Variants in FOXO3 observed in about 807,000 individuals in gnomAD.
The protein encoded by FOXO3 is forkhead box O3.
Under a neutral mutation model 41.9 loss-of-function variants are expected in FOXO3, and 4 were observed. The ratio of observed to expected loss-of-function variants is 0.10; its 90% CI spans 0.05 to 0.22. The LOEUF (loss-of-function observed/expected upper bound fraction) is 0.22, where lower values mean the gene tolerates loss of function less well. Ranked by LOEUF, FOXO3 falls within the 10% of genes least tolerant of loss-of-function variation. FOXO3 has a pLI of 1.00. For missense variants in FOXO3, 534 were observed against 906.8 expected (o/e 0.59, Z 5.28); for synonymous variants, 318 against 389.3 (o/e 0.82, Z 2.16).
rs1778931375 is a variant in FOXO3, at chr6:108,663,484, T to C, written c.651T>C (p.His217=). 2 of 1,607,176 alleles carry C rather than the reference T, an allele frequency of 1.2e-6. No individual in the cohort carries two copies. Among genetic ancestry groups the C allele is most frequent in the Non-Finnish European group, 8.5e-7 (1 of 1,176,416 alleles). Residue 217 remains histidine, a synonymous_variant, in exon 2 of 3, where the codon CAT becomes CAC. Coordinates refer to ENST00000406360, the MANE Select transcript of FOXO3 (RefSeq NM_001455.4). ...KNSIRHNLSL[H]SRFMRVQNEG... is the part of the protein sequence containing the mutation. ...CCATCCGGCACAACCTGTCACTGCA[T>C]AGTCGATTCATGCGGGTCCAGAATG...
chr6:108,573,235 C>T (rs2764265), intron 1 of FOXO3, among the ~76,000 whole-genome samples: 73,249 of 151,734 alleles, frequency 0.48, 20,637 homozygotes, highest in East Asian at 0.68. Flanking sequence ...TGCAGTGAGC[C>T]GAGATCATGC....
chr6:108,669,374 G>A (rs1435393542), intron 2 of FOXO3, among the ~76,000 whole-genome samples: 1 of 152,110 alleles, frequency 6.6e-6, no homozygotes, highest in Non-Finnish European at 1.5e-5. Context: ...GTTGGGGATA[G>A]GACTAATTCT....
intron 1 of FOXO3, among the ~76,000 whole-genome samples, chr6:108,590,544 C>A (rs995624976): frequency 3.9e-5 from 6 of 152,118 alleles, no homozygotes; most frequent in Non-Finnish European, 5.9e-5. Flanking sequence ...CCTGTTTAAA[C>A]CTGGGTCGTA....
At chr6:108,639,496 G>T in intron 1 of FOXO3, 1 of 958,546 alleles carries the variant, frequency 1.0e-6, no homozygotes, top group Non-Finnish European at 1.2e-6. Flanking sequence ...CCCTCAGAAC[G>T]CATTCCCTGG....
intron 1 of FOXO3, chr6:108,656,373 T>C (rs1778688725): frequency 1.0e-6 from 1 of 985,126 alleles, no homozygotes; most frequent in Non-Finnish European, 1.2e-6. Flanking sequence ...AAGGTAAACA[T>C]GGTTTGGAAG....
chr6:108,668,981 G>C (rs2128389390), intron 2 of FOXO3, among the ~76,000 whole-genome samples: 2 of 152,196 alleles, frequency 1.3e-5, no homozygotes, highest in African/African-American at 4.8e-5. Context: ...GCGTGGTGGC[G>C]GGCGCCTGTA....
At chr6:108,633,453 TAAAA>T (rs1327342203) in intron 1 of FOXO3, among the ~76,000 whole-genome samples, 1 of 152,134 alleles carries the variant, frequency 6.6e-6, no homozygotes, top group Non-Finnish European at 1.5e-5. Flanking sequence ...ATATGCAACT[TAAAA>T]AAACTACTGA....
intron 1 of FOXO3, among the ~76,000 whole-genome samples, chr6:108,581,613 C>A (rs1263258767): frequency 6.6e-6 from 1 of 151,916 alleles, no homozygotes; most frequent in Non-Finnish European, 1.5e-5. Context: ...GCAGTTCTTT[C>A]TATACTGGAA....
intron 1 of FOXO3, among the ~76,000 whole-genome samples, chr6:108,610,027 A>G (rs991958837): frequency 1.3e-5 from 2 of 152,174 alleles, no homozygotes; most frequent in African/African-American, 4.8e-5. Context: ...AGATTTGGCC[A>G]TATATGCATG....
chr6:108,620,440 A>G (rs575173880), intron 1 of FOXO3, among the ~76,000 whole-genome samples: 2 of 152,308 alleles, frequency 1.3e-5, no homozygotes, highest in Admixed American at 1.3e-4. Flanking sequence ...GTTTCTCCCA[A>G]AAACTGAAGT....
At chr6:108,663,113 C>T (rs1450867788) in intron 1 of FOXO3, among the ~76,000 whole-genome samples, 1 of 152,126 alleles carries the variant, frequency 6.6e-6, no homozygotes, top group African/African-American at 2.4e-5. Flanking sequence ...TGGCTCATGC[C>T]TATAATCCTA....
At chr6:108,667,010 G>A (rs998364086) in intron 2 of FOXO3, among the ~76,000 whole-genome samples, 5 of 152,166 alleles carry the variant, frequency 3.3e-5, no homozygotes, top group African/African-American at 1.2e-4. Flanking sequence ...CATGATGAAG[G>A]ACTTAACAAG....
intron 1 of FOXO3, among the ~76,000 whole-genome samples, chr6:108,607,868 A>G (rs1562242590): frequency 6.6e-6 from 1 of 152,226 alleles, no homozygotes; most frequent in Non-Finnish European, 1.5e-5. Context: ...AACAAAAGAT[A>G]AAATCCCCCT....
intron 1 of FOXO3, among the ~76,000 whole-genome samples, chr6:108,584,161 T>A (rs1327189296): frequency 6.6e-6 from 1 of 152,212 alleles, no homozygotes; most frequent in Non-Finnish European, 1.5e-5. Flanking sequence ...TGGGCATTGC[T>A]TCTGGTGAGT....
chr6:108,564,069 TTA>T (rs769963879), intron 1 of FOXO3, among the ~76,000 whole-genome samples: 2 of 152,212 alleles, frequency 1.3e-5, no homozygotes, highest in African/African-American at 2.4e-5. Context: ...GGCACACATT[TTA>T]TGATTCTTTT....
chr6:108,665,141 G>A (rs892003660), intron 2 of FOXO3, among the ~76,000 whole-genome samples: 5 of 152,176 alleles, frequency 3.3e-5, no homozygotes, highest in Admixed American at 3.3e-4. Flanking sequence ...AAGAGAACAC[G>A]TACGCATTCA....
At chr6:108,562,219 G>A (rs906464167) in intron 1 of FOXO3, among the ~76,000 whole-genome samples, 1 of 152,072 alleles carries the variant, frequency 6.6e-6, no homozygotes, top group Non-Finnish European at 1.5e-5. Flanking sequence ...TGGAGTGAGA[G>A]GTGTGGGGGT....
chr6:108,610,056 A>C (rs1777316433), intron 1 of FOXO3, among the ~76,000 whole-genome samples: 1 of 152,144 alleles, frequency 6.6e-6, no homozygotes, highest in African/African-American at 2.4e-5. Flanking sequence ...GCTTGGCTGC[A>C]GTAAGAGATT....
At chr6:108,618,385 G>GGCA (rs1216623774) in intron 1 of FOXO3, 9 of 520,352 alleles carry the variant, frequency 1.7e-5, no homozygotes, top group Middle Eastern at 1.1e-3. Context: ...AGAAGAAGGA[G>GGCA]GCAGCAGCAG....
Sources: gnomAD v4.1 joint callset for allele counts (sites outside exome capture counted in the v4.1 genomes callset) on GRCh38, gnomAD v4.1.1 for gene constraint, MANE v1.5 for transcripts, NCBI Gene and HGNC (gene_info 2026-07-23, HGNC 2026-07-21) for gene names.